The following ME3 variants were observed in gnomAD, a reference collection of about 807,000 sequenced individuals.
ME3 encodes malic enzyme 3.
Under a neutral mutation model 68.9 loss-of-function variants are expected in ME3, and 48 were observed. That is an observed-to-expected ratio of 0.70 (90% confidence interval 0.55 to 0.89). The LOEUF (loss-of-function observed/expected upper bound fraction) is 0.89, where lower values mean the gene tolerates loss of function less well. Ranked by LOEUF, ME3 falls within the 40% of genes least tolerant of loss-of-function variation. The probability of loss-of-function intolerance (pLI) is 0.00; values close to 1 mark genes in which losing one functional copy is unlikely to be tolerated. For missense variants in ME3, 675 were observed against 797.4 expected, an observed-to-expected ratio of 0.85 and a Z score of 1.85; for synonymous variants, 320 against 318.8, an observed-to-expected ratio of 1.00 and a Z score of -0.04.
intron 3 of ME3, among the ~76,000 whole-genome samples, chr11:86,557,214 C>T (rs886774372): frequency 6.6e-6 from 1 of 152,176 alleles, no homozygotes; most frequent in South Asian, 2.1e-4. Context: ...GGACTGGCCT[C>T]TCCTACCACA....
intron 2 of ME3, among the ~76,000 whole-genome samples, chr11:86,577,897 AG>A (rs1198143787): frequency 6.6e-6 from 1 of 152,214 alleles, no homozygotes; most frequent in Non-Finnish European, 1.5e-5. Flanking sequence ...TGACATGTCA[AG>A]GGTGTGTGGC....
intron 2 of ME3, among the ~76,000 whole-genome samples, chr11:86,603,876 A>G (rs1961166890): frequency 1.4e-5 from 2 of 145,118 alleles, no homozygotes; most frequent in Non-Finnish European, 3.0e-5. Flanking sequence ...GTTCTCACTC[A>G]TAGATGGGAA....
chr11:86,622,525 T>C (rs139590483), intron 2 of ME3, among the ~76,000 whole-genome samples: 9 of 152,160 alleles, frequency 5.9e-5, no homozygotes, highest in African/African-American at 2.2e-4. Context: ...TCAGCAACTA[T>C]ATTTTTATCA....
chr11:86,466,697 A>G (rs536577350), intron 7 of ME3, among the ~76,000 whole-genome samples: 8 of 152,326 alleles, frequency 5.3e-5, no homozygotes, highest in Admixed American at 5.2e-4. Context: ...TGGGTGGGCA[A>G]ATATTTGTTC....
At chr11:86,504,718 A>G (rs1247891605) in intron 5 of ME3, among the ~76,000 whole-genome samples, 2 of 150,976 alleles carry the variant, frequency 1.3e-5, no homozygotes, top group Non-Finnish European at 1.5e-5. Flanking sequence ...TTTTTGAGAC[A>G]GAGTCTTGCT....
At chr11:86,515,104 A>T (rs754040032) in intron 4 of ME3, among the ~76,000 whole-genome samples, 13 of 152,214 alleles carry the variant, frequency 8.5e-5, no homozygotes, top group Admixed American at 4.6e-4. Flanking sequence ...ATCTTTCATT[A>T]TATGGGTCAC....
chr11:86,531,822 A>G (rs920133519), intron 4 of ME3, among the ~76,000 whole-genome samples: 3 of 90,106 alleles, frequency 3.3e-5, no homozygotes, highest in African/African-American at 1.3e-4. Context: ...ACCGGGGCCT[A>G]TTTTTGGGTG....
chr11:86,656,186 T>C (rs972845802), intron 2 of ME3, among the ~76,000 whole-genome samples: 1 of 151,532 alleles, frequency 6.6e-6, no homozygotes, highest in Non-Finnish European at 1.5e-5. Context: ...TGGAAGTCAG[T>C]GTGGCGATTC....
chr11:86,526,514 A>G (rs1954758803), intron 4 of ME3, among the ~76,000 whole-genome samples: 1 of 152,204 alleles, frequency 6.6e-6, no homozygotes, highest in African/African-American at 2.4e-5. Flanking sequence ...AGCGTTGAAG[A>G]TAGTAGTGGT....
chr11:86,517,026 G>C (rs1269625794), intron 4 of ME3, among the ~76,000 whole-genome samples: 1 of 152,064 alleles, frequency 6.6e-6, no homozygotes, highest in African/African-American at 2.4e-5. Flanking sequence ...TATTTCATTT[G>C]GTCTGAAAGG....
intron 7 of ME3, among the ~76,000 whole-genome samples, chr11:86,474,898 G>T (rs963895494): frequency 6.6e-6 from 1 of 152,202 alleles, no homozygotes; most frequent in African/African-American, 2.4e-5. Context: ...TAAATTCCTT[G>T]ACAGCAAAGT....
chr11:86,512,944 A>C (rs1953646874), intron 4 of ME3, among the ~76,000 whole-genome samples: 1 of 152,210 alleles, frequency 6.6e-6, no homozygotes, highest in African/African-American at 2.4e-5. Context: ...TCTTTTGTAA[A>C]GGAAATTTAC....
At chr11:86,521,312 G>C (rs1297134086) in intron 4 of ME3, among the ~76,000 whole-genome samples, 1 of 151,794 alleles carries the variant, frequency 6.6e-6, no homozygotes, top group African/African-American at 2.4e-5. Flanking sequence ...GGAGAATGGC[G>C]TGAACCCAGG....
chr11:86,642,260 TAAGAAA>T (rs1397840463), intron 2 of ME3, among the ~76,000 whole-genome samples: 1 of 152,194 alleles, frequency 6.6e-6, no homozygotes, highest in Non-Finnish European at 1.5e-5. Flanking sequence ...TCCATGGGAC[TAAGAAA>T]AAGAAGGAAG....
chr11:86,650,314 G>T (rs945797216), intron 2 of ME3, among the ~76,000 whole-genome samples: 3 of 152,016 alleles, frequency 2.0e-5, no homozygotes, highest in Non-Finnish European at 4.4e-5. Context: ...AACTCAAAAT[G>T]GATTAAATAT....
At chr11:86,513,785 C>T (rs1376879509) in intron 4 of ME3, among the ~76,000 whole-genome samples, 1 of 152,144 alleles carries the variant, frequency 6.6e-6, no homozygotes, top group East Asian at 1.9e-4. Flanking sequence ...TCTAAAGCAG[C>T]TCAGAGAAGA....
chr11:86,549,755 G>A (rs1956571587), intron 4 of ME3, among the ~76,000 whole-genome samples: 1 of 152,228 alleles, frequency 6.6e-6, no homozygotes, highest in African/African-American at 2.4e-5. Context: ...TGTAGTGATA[G>A]GAACTTCAAG....
chr11:86,506,139 C>T (rs989059646), intron 5 of ME3, among the ~76,000 whole-genome samples: 6 of 152,146 alleles, frequency 3.9e-5, no homozygotes, highest in African/African-American at 1.4e-4. Flanking sequence ...ATCATGGTCC[C>T]GGATCTGCTC....
chr11:86,436,439 T>C (rs186458531), downstream of ME3: 18 of 152,016 alleles, frequency 1.2e-4, no homozygotes, highest in African/African-American at 4.1e-4. Flanking sequence ...TTTGCAATTA[T>C]TTTCTCCCAG....
Sources: allele counts gnomAD v4.1 joint callset (sites outside exome capture counted in the v4.1 genomes callset), GRCh38; gene constraint gnomAD v4.1.1; transcripts MANE v1.5; gene names NCBI Gene and HGNC (gene_info 2026-07-23, HGNC 2026-07-21).